The following DNAJC3 variants were observed in gnomAD, a reference collection of about 807,000 sequenced individuals.
DNAJC3 encodes DnaJ heat shock protein family (Hsp40) member C3.
Under a neutral mutation model 68.6 loss-of-function variants are expected in DNAJC3, and 38 were observed. The observed-to-expected ratio is 0.55, with a 90% CI of 0.43 to 0.73. The LOEUF is 0.73. DNAJC3 is among the 30% of genes least tolerant of loss of function. DNAJC3 has a pLI of 0.00. For synonymous variants in DNAJC3, 203 were observed against 204.0 expected, an observed-to-expected ratio of 1.00 and a Z score of 0.04; for missense variants, 526 against 591.9, an observed-to-expected ratio of 0.89 and a Z score of 1.16.
chr13:95,741,627 T>G (rs1275729019), intron 4 of DNAJC3, among the ~76,000 whole-genome samples: 1 of 152,074 alleles, frequency 6.6e-6, no homozygotes, highest in East Asian at 1.9e-4. Context: ...GCAGCAGTTG[T>G]GGCCTGGGCA....
At chr13:95,705,018 A>G (rs1424944883) in intron 1 of DNAJC3, among the ~76,000 whole-genome samples, 3 of 151,916 alleles carry the variant, frequency 2.0e-5, no homozygotes, top group African/African-American at 7.3e-5. Context: ...CATCCAGCTA[A>G]TCTCTGTATT....
chr13:95,694,907 A>G (rs932384791), intron 1 of DNAJC3: 2 of 152,660 alleles, frequency 1.3e-5, no homozygotes, highest in African/African-American at 4.8e-5. Context: ...TAGAAACCTG[A>G]AATACTGGTA....
chr13:95,738,839 G>A (rs1299299302), intron 4 of DNAJC3, among the ~76,000 whole-genome samples: 2 of 151,538 alleles, frequency 1.3e-5, no homozygotes, highest in African/African-American at 2.4e-5. Flanking sequence ...AGTTAATATT[G>A]TTATGTGTGA....
intron 1 of DNAJC3, among the ~76,000 whole-genome samples, chr13:95,677,846 C>A (rs1162716276): frequency 6.6e-6 from 1 of 152,170 alleles, no homozygotes; most frequent in Admixed American, 6.5e-5. Flanking sequence ...AAGTGTGTAA[C>A]CATCCCCATT....
intron 9 of DNAJC3, among the ~76,000 whole-genome samples, chr13:95,773,143 A>T (rs1594021393): frequency 2.4e-5 from 3 of 124,900 alleles, no homozygotes; most frequent in African/African-American, 6.1e-5. Flanking sequence ...ATGGTTTTTG[A>T]CAAATTTAGT....
At chr13:95,776,598 G>A (rs1388892244) in intron 9 of DNAJC3, among the ~76,000 whole-genome samples, 1 of 152,030 alleles carries the variant, frequency 6.6e-6, no homozygotes, top group African/African-American at 2.4e-5. Flanking sequence ...TTGCGATTTG[G>A]CCTGTATTTT....
chr13:95,696,624 T>C (rs1353846363), intron 1 of DNAJC3, among the ~76,000 whole-genome samples: 1 of 152,250 alleles, frequency 6.6e-6, no homozygotes, highest in Non-Finnish European at 1.5e-5. Context: ...GATATAAGAA[T>C]GTTTACTCCA....
chr13:95,777,494 A>G (rs566400492), intron 9 of DNAJC3, among the ~76,000 whole-genome samples: 2 of 152,280 alleles, frequency 1.3e-5, no homozygotes, highest in South Asian at 4.1e-4. Context: ...CATGAATTGT[A>G]TTTCCTTTGC....
intron 2 of DNAJC3, among the ~76,000 whole-genome samples, chr13:95,719,310 T>G (rs148853988): frequency 6.6e-6 from 1 of 152,324 alleles, no homozygotes; most frequent in African/African-American, 2.4e-5. Flanking sequence ...TTTAGGTTTT[T>G]GTGTACACAT....
At position 95,784,880 on chromosome 13, in the gene DNAJC3, C is replaced by A. The variant is rs921765631; in HGVS notation, c.1076-1059C>A. Among the ~76,000 whole-genome samples, 7 of 152,172 alleles carry A rather than the reference C, an allele frequency of 4.6e-5. No individual in the cohort carries two copies. The East Asian group carries it at 1.4e-3, about 29-fold the overall frequency. ...TCCCAGCTACTTCATGGGCCTGAGG[C>A]AGGAGGATGGCTTGTGCCTGGGAGG... is the stretch of plus-strand genomic sequence containing the variant. On this transcript the variant is annotated intron_variant, in intron 9 of 11. Transcript: ENST00000602402.
At chr13:95,697,508 T>C (rs541866804) in intron 1 of DNAJC3, among the ~76,000 whole-genome samples, 179 of 152,354 alleles carry the variant, frequency 1.2e-3, no homozygotes, top group Non-Finnish European at 1.2e-3. Context: ...TCGTCTTGTA[T>C]AGTATCTTCC....
chr13:95,793,143 G>A lies in DNAJC3; in HGVS notation c.*2113G>A, dbSNP rs1883834791. 2 of 152,224 alleles carry A rather than the reference G, an allele frequency of 1.3e-5. No homozygotes were observed. Among genetic ancestry groups the A allele is most frequent in the Non-Finnish European group, 2.9e-5 (2 of 68,056 alleles). The allele number at this position is 152,224 out of a possible 1,614,324, so 9.4% of individuals were successfully genotyped here. ...TTTACTTAGTCATCTTAACTGACCT[G>A]CAGTTACTTGCCTGTTTTCAGTGAA... On this transcript the variant is annotated 3_prime_UTR_variant, in exon 12 of 12. Coordinates refer to ENST00000602402, the MANE Select transcript of DNAJC3 (RefSeq NM_006260.5).
chr13:95,684,572 T>C (rs1396666598), intron 1 of DNAJC3, among the ~76,000 whole-genome samples: 1 of 152,222 alleles, frequency 6.6e-6, no homozygotes, highest in African/African-American at 2.4e-5. Flanking sequence ...TCAAGCAGAC[T>C]GCATGAATTT....
chr13:95,790,817 C>T, intron 11 of DNAJC3, 56 bp from the exon 12 acceptor site: 4 of 1,572,182 alleles, frequency 2.5e-6, no homozygotes, highest in Middle Eastern at 1.7e-4. Flanking sequence ...AAAACATTCC[C>T]CCTGCCCCTA....
chr13:95,747,450 A>G lies in DNAJC3; in HGVS notation c.394-10194A>G, dbSNP rs561224769. The stretch of plus-strand genomic sequence containing the variant: ...AGGAGGACCATCCAGGGCAAAGGTG[A>G]GAGCCTGTGTAAGAATCAGAGGCAA... On this transcript the variant is annotated intron_variant, in intron 4 of 11. Coordinates refer to ENST00000602402, the MANE Select transcript of DNAJC3 (RefSeq NM_006260.5). Among the ~76,000 whole-genome samples, 3 of 152,332 alleles carry G rather than the reference A, an allele frequency of 2.0e-5. No homozygotes were observed. The East Asian group carries it at 5.8e-4, about 29-fold the overall frequency.
intron 7 of DNAJC3, 118 bp from the exon 8 acceptor site, chr13:95,763,525 G>A (rs1313123278): frequency 1.1e-6 from 1 of 888,006 alleles, no homozygotes; most frequent in Non-Finnish European, 1.7e-6. Flanking sequence ...CGAATCTGAA[G>A]CCATGGGCTC....
chr13:95,710,489 C>G (rs1880921180), intron 2 of DNAJC3, among the ~76,000 whole-genome samples: 4 of 152,098 alleles, frequency 2.6e-5, no homozygotes. Context: ...CCTTGGCCTC[C>G]TAGAGTGTTG....
chr13:95,717,643 A>G (rs564482706), intron 2 of DNAJC3, among the ~76,000 whole-genome samples: 1 of 152,304 alleles, frequency 6.6e-6, no homozygotes, highest in Admixed American at 6.5e-5. Flanking sequence ...AGATAATTGA[A>G]TCATGGGGAT....
rs61758425 is a variant in DNAJC3 at position 95,709,306 on chromosome 13, T to G, written c.162T>G (p.Ala54=). The change falls in exon 2 of 12, where the codon GCT becomes GCG. Residue 54 remains alanine, a synonymous_variant. Transcript: ENST00000602402. ...AATTACTTGCAGCTGGACAGCTAGCTGATGCTTTATCTCAGTTTCATGCTG... is the reference window on the plus strand; with the variant it reads ...AATTACTTGCAGCTGGACAGCTAGCGGATGCTTTATCTCAGTTTCATGCTG... The part of the protein sequence containing the change: ...GKKLLAAGQL[A]DALSQFHAAV... 2,246 of 1,590,026 alleles carry G rather than the reference T, an allele frequency of 1.4e-3. 3 individuals are homozygous for G. The highest frequency in any genetic ancestry group is 1.8e-3 in the Non-Finnish European group (2,064 of 1,169,452).
Sources: gnomAD v4.1 joint callset for allele counts (sites outside exome capture counted in the v4.1 genomes callset) on GRCh38, gnomAD v4.1.1 for gene constraint, MANE v1.5 for transcripts, NCBI Gene and HGNC (gene_info 2026-07-23, HGNC 2026-07-21) for gene names.